DARS2: variants seen among roughly 807,000 people sequenced by gnomAD.
DARS2 encodes aspartate--tRNA ligase, mitochondrial.
A neutral mutation model predicts 83.0 loss-of-function variants in DARS2; 63 were observed. That is an observed-to-expected ratio of 0.76 (90% CI 0.62 to 0.94). DARS2 has a LOEUF of 0.94. DARS2 is among the 40% of genes least tolerant of loss of function. The pLI, the probability that DARS2 is intolerant of heterozygous loss-of-function variation, is 0.00. For synonymous variants in DARS2, 250 were observed against 269.3 expected (o/e 0.93, Z 0.70); for missense variants, 675 against 774.4 (o/e 0.87, Z 1.52).
At chr1:173,836,815 AG>A (rs1557857286) in intron 7 of DARS2, 124 bp from the exon 8 acceptor site, 5 of 807,616 alleles carry the variant, frequency 6.2e-6, no homozygotes, top group Non-Finnish European at 8.5e-6. Flanking sequence ...CTGTCATTGT[AG>A]GAACTTTGTT....
At chr1:173,856,254 C>A in intron 15 of DARS2, among the ~76,000 whole-genome samples, 1 of 152,194 alleles carries the variant, frequency 6.6e-6, no homozygotes. Flanking sequence ...GTGGCCTGTT[C>A]TTGGCCCTTA....
intron 15 of DARS2, among the ~76,000 whole-genome samples, chr1:173,855,006 G>A (rs1202141485): frequency 6.6e-6 from 1 of 152,116 alleles, no homozygotes; most frequent in Non-Finnish European, 1.5e-5. Flanking sequence ...ACTGACAAGT[G>A]TGAGGTAGGA....
At chr1:173,854,961 A>G (rs1472139204) in intron 15 of DARS2, among the ~76,000 whole-genome samples, 1 of 152,170 alleles carries the variant, frequency 6.6e-6, no homozygotes, top group African/African-American at 2.4e-5. Flanking sequence ...AAGGTCTGAG[A>G]GAGTCTGGTC....
chr1:173,838,761 AGTCTCG>A (rs1299697143), intron 9 of DARS2, among the ~76,000 whole-genome samples: 4 of 151,996 alleles, frequency 2.6e-5, no homozygotes, highest in African/African-American at 9.7e-5. Context: ...TTTGAGACAG[AGTCTCG>A]CTCTGTCTCC....
rs1276701692 is a variant in DARS2, at chr1:173,826,804, G to C, written c.227+18G>C. On this transcript the variant is annotated intron_variant, in intron 2 of 16. Coordinates refer to ENST00000649689, the MANE Select transcript of DARS2 (RefSeq NM_018122.5). ...TACCGAAGGTAAATTGAGAAAGACA[G>C]TCTAAGAATGCATGGTGGTGGTTTT... 1 of 1,540,678 alleles carries C rather than the reference G, an allele frequency of 6.5e-7. No homozygotes were observed. Among genetic ancestry groups the C allele is most frequent in the Admixed American group, 1.7e-5 (1 of 59,936 alleles).
chr1:173,857,084 G>C (rs1021638506), intron 16 of DARS2, among the ~76,000 whole-genome samples: 9 of 152,114 alleles, frequency 5.9e-5, no homozygotes, highest in South Asian at 2.1e-4. Flanking sequence ...AGATGCCAGT[G>C]TCCTTCTGAT....
At chr1:173,857,374 C>T in intron 16 of DARS2, 144 bp from the exon 17 acceptor site, 2 of 776,964 alleles carry the variant, frequency 2.6e-6, no homozygotes, top group Middle Eastern at 3.7e-4. Context: ...AACAAAAGTT[C>T]TCTAAAAAGG....
intron 7 of DARS2, among the ~76,000 whole-genome samples, chr1:173,836,585 G>C (rs1385218443): frequency 6.6e-6 from 1 of 151,328 alleles, no homozygotes; most frequent in Non-Finnish European, 1.5e-5. Context: ...ATAGTTACTC[G>C]ATTTATACAG....
At chr1:173,850,662 G>C (rs926911807) in intron 13 of DARS2, among the ~76,000 whole-genome samples, 183 bp downstream of exon 13, 1 of 149,962 alleles carries the variant, frequency 6.7e-6, no homozygotes, top group Non-Finnish European at 1.5e-5. Context: ...TTGGAGTGCA[G>C]TGGTGCAATC....
At chr1:173,832,721 A>G (rs1383606503) in intron 5 of DARS2, among the ~76,000 whole-genome samples, 1 of 150,610 alleles carries the variant, frequency 6.6e-6, no homozygotes, top group South Asian at 2.1e-4. Flanking sequence ...GTGAGCCGAG[A>G]TCATGCCACT....
At chr1:173,848,946 C>T (rs1273048457) in intron 12 of DARS2, among the ~76,000 whole-genome samples, 1 of 151,972 alleles carries the variant, frequency 6.6e-6, no homozygotes, top group Admixed American at 6.6e-5. Flanking sequence ...TGTCATTTTT[C>T]ACCATTTTCT....
chr1:173,842,317 T>TTTTTTTTTTTTTG lies in DARS2; in HGVS notation c.1128+1344_1128+1345insTTTTTTTTTTTTG, dbSNP rs1304745729. ...TTTTTTTTTTTTTTTTTTTTTTTTTTAGAGTGAGTCTTGCTCTGTCGCCCA... is the reference window on the plus strand; with the variant it reads ...TTTTTTTTTTTTTTTTTTTTTTTTTTTTTTTTTTTTTTGAGAGTGAGTCTTGCTCTGTCGCCCA... On this transcript the variant is annotated intron_variant, in intron 11 of 16. Coordinates refer to ENST00000649689, the MANE Select transcript of DARS2 (RefSeq NM_018122.5). 4.9e-4 allele frequency among the ~76,000 whole-genome samples: 57 copies of TTTTTTTTTTTTTG among 116,628 alleles called. 11 individuals are homozygous for TTTTTTTTTTTTTG. Among genetic ancestry groups the TTTTTTTTTTTTTG allele is most frequent in the African/African-American group, 2.4e-3 (56 of 23,540 alleles). 76.5% of individuals were successfully genotyped at this position (116,628 alleles called of 152,430 possible).
rs1653908490 is a variant in DARS2, at chr1:173,857,797, C to G, written c.*92C>G. 2.2e-6 allele frequency: 3 copies of G among 1,369,756 alleles called. No individual in the cohort carries two copies. The highest frequency in any genetic ancestry group is 1.8e-5 in the Admixed American group (1 of 55,150). The allele number at this position is 1,369,756 out of a possible 1,614,324, so 84.9% of individuals were successfully genotyped here. On this transcript the variant is annotated 3_prime_UTR_variant, in exon 17 of 17. Transcript: ENST00000649689. ...TCAGATCTAGAGTTCTGCCACAGGT[C>G]TAACAATCAAGTCTTTAGATGGAAG... is the stretch of plus-strand genomic sequence containing the variant.
chr1:173,855,043 G>A (rs756734818), intron 15 of DARS2, among the ~76,000 whole-genome samples: 17 of 152,200 alleles, frequency 1.1e-4, no homozygotes, highest in Non-Finnish European at 1.9e-4. Flanking sequence ...ACCATGAGAT[G>A]ACTCCTTTAG....
At chr1:173,829,676 G>A (rs1652721697) in intron 3 of DARS2, among the ~76,000 whole-genome samples, 1 of 152,040 alleles carries the variant, frequency 6.6e-6, no homozygotes, top group Non-Finnish European at 1.5e-5. Flanking sequence ...TTGGGAGGCT[G>A]AGGCAGGTGG....
At chr1:173,849,304 C>T (rs1160846383) in intron 12 of DARS2, among the ~76,000 whole-genome samples, 2 of 151,748 alleles carry the variant, frequency 1.3e-5, no homozygotes, top group African/African-American at 4.8e-5. Context: ...GAGGCCAAGG[C>T]GGGCAGATCG....
chr1:173,855,809 C>T (rs911773338), intron 15 of DARS2, among the ~76,000 whole-genome samples: 2 of 147,172 alleles, frequency 1.4e-5, no homozygotes, highest in African/African-American at 5.4e-5. Context: ...CACACCATCA[C>T]GCCCAGCATT....
At chr1:173,841,317 C>T (rs1266755915) in intron 11 of DARS2, among the ~76,000 whole-genome samples, 1 of 150,976 alleles carries the variant, frequency 6.6e-6, no homozygotes, top group Non-Finnish European at 1.5e-5. Context: ...GCAGAGGTTG[C>T]AGTGAGCTGA....
intron 15 of DARS2, among the ~76,000 whole-genome samples, chr1:173,854,360 A>G (rs988969537): frequency 3.9e-5 from 6 of 152,178 alleles, no homozygotes; most frequent in African/African-American, 7.2e-5. Context: ...CTCTACCTTT[A>G]ATGTAGGACT....
Sources: allele counts gnomAD v4.1 joint callset (sites outside exome capture counted in the v4.1 genomes callset), GRCh38; gene constraint gnomAD v4.1.1; transcripts MANE v1.5; gene names NCBI Gene and HGNC (gene_info 2026-07-23, HGNC 2026-07-21).